CPNE4: variants seen among roughly 807,000 people sequenced by gnomAD.
CPNE4 encodes copine-4.
A neutral mutation model predicts 67.9 loss-of-function variants in CPNE4; 25 were observed. The ratio of observed to expected loss-of-function variants is 0.37; its 90% confidence interval spans 0.27 to 0.51. CPNE4 has a LOEUF of 0.51. Among genes scored for constraint, CPNE4 ranks in the 20% least tolerant of loss-of-function variants. CPNE4 has a pLI of 0.93. For synonymous variants in CPNE4, 242 were observed against 244.9 expected, an observed-to-expected ratio of 0.99 and a Z score of 0.11; for missense variants, 464 against 690.8, an observed-to-expected ratio of 0.67 and a Z score of 3.68.
At chr3:131,641,735 A>G (rs2079546688) in intron 7 of CPNE4, among the ~76,000 whole-genome samples, 2 of 152,184 alleles carry the variant, frequency 1.3e-5, no homozygotes, top group East Asian at 1.9e-4. Context: ...ACAATTCGCA[A>G]TTGCAAAAAT....
chr3:131,786,635 T>C (rs11918334), intron 2 of CPNE4, among the ~76,000 whole-genome samples: 46,713 of 151,994 alleles, frequency 0.31, 7,435 homozygotes, highest in East Asian at 0.43. Context: ...AAGCAGTATT[T>C]AGGCTGATGA....
intron 11 of CPNE4, among the ~76,000 whole-genome samples, chr3:131,556,426 G>C (rs1936459144): frequency 6.6e-6 from 1 of 152,008 alleles, no homozygotes. Flanking sequence ...TAATTTGACA[G>C]AGCTTGGTTC....
chr3:131,715,294 C>A (rs2081655633), intron 3 of CPNE4, among the ~76,000 whole-genome samples: 1 of 152,124 alleles, frequency 6.6e-6, no homozygotes, highest in African/African-American at 2.4e-5. Context: ...CATTTATCTG[C>A]AAAAGGATTC....
chr3:131,675,777 G>A (rs1583003077), intron 6 of CPNE4, among the ~76,000 whole-genome samples: 3 of 151,720 alleles, frequency 2.0e-5, no homozygotes, highest in Admixed American at 2.0e-4. Flanking sequence ...CTTTTTATTG[G>A]AGTGTTTAGT....
At chr3:131,681,612 G>C (rs1183995781) in intron 6 of CPNE4, among the ~76,000 whole-genome samples, 2 of 151,840 alleles carry the variant, frequency 1.3e-5, no homozygotes, top group African/African-American at 4.8e-5. Flanking sequence ...ATCTTATTTG[G>C]GTTATATCTG....
At chr3:131,980,589 TC>T (rs774425957) in intron 1 of CPNE4, among the ~76,000 whole-genome samples, 2 of 152,284 alleles carry the variant, frequency 1.3e-5, no homozygotes, top group South Asian at 4.1e-4. Context: ...TGAATATTTC[TC>T]CCTTCACTTC....
chr3:131,970,953 C>T (rs1010331063), intron 1 of CPNE4, among the ~76,000 whole-genome samples: 3 of 152,162 alleles, frequency 2.0e-5, no homozygotes, highest in African/African-American at 7.2e-5. Context: ...AATTTTATCT[C>T]ATAATTTTTG....
chr3:131,838,877 A>T (rs552717636), intron 2 of CPNE4, among the ~76,000 whole-genome samples: 1 of 151,840 alleles, frequency 6.6e-6, no homozygotes, highest in Non-Finnish European at 1.5e-5. Context: ...AATATATGTG[A>T]TTTACAATGA....
At chr3:131,766,081 T>A (rs2083004824) in intron 2 of CPNE4, among the ~76,000 whole-genome samples, 1 of 152,102 alleles carries the variant, frequency 6.6e-6, no homozygotes, top group Non-Finnish European at 1.5e-5. Context: ...GTCCTGGGAA[T>A]GTTTCTGACT....
intron 2 of CPNE4, among the ~76,000 whole-genome samples, chr3:131,775,537 G>A (rs2083271330): frequency 6.6e-6 from 1 of 152,052 alleles, no homozygotes; most frequent in African/African-American, 2.4e-5. Context: ...TGAATCATGG[G>A]GGCTGGTCTT....
In CPNE4 at chr3:131,764,524, A is replaced by G. The variant is rs181154542; in HGVS notation, c.181-40899T>C. ...ATAACTAAATTGTAACATATATAACATAAAATCTATTGCTAGCTATACTGT... is the reference window on the plus strand; with the variant it reads ...ATAACTAAATTGTAACATATATAACGTAAAATCTATTGCTAGCTATACTGT... On this transcript the variant is annotated intron_variant, in intron 2 of 15. Transcript: ENST00000429747. 2.6e-5 allele frequency among the ~76,000 whole-genome samples: 4 copies of G among 152,302 alleles called. No homozygotes were observed. In the East Asian group the frequency reaches 7.7e-4, roughly 29 times the overall value.
chr3:131,928,857 G>C (rs990856348), intron 1 of CPNE4, among the ~76,000 whole-genome samples: 3 of 152,186 alleles, frequency 2.0e-5, no homozygotes, highest in Admixed American at 2.0e-4. Context: ...AAATGGAAGG[G>C]AATGAGCAGC....
chr3:131,952,168 GC>G (rs1004607231), intron 1 of CPNE4, among the ~76,000 whole-genome samples: 4 of 150,300 alleles, frequency 2.7e-5, no homozygotes, highest in Admixed American at 1.3e-4. Flanking sequence ...GAGCATCTCT[GC>G]CCGGCCGCCC....
intron 1 of CPNE4, among the ~76,000 whole-genome samples, chr3:131,995,481 G>A (rs970948239): frequency 6.6e-6 from 1 of 151,932 alleles, no homozygotes; most frequent in Non-Finnish European, 1.5e-5. Flanking sequence ...CATTGCATCC[G>A]ACCATGAGAG....
At position 131,748,073 on chromosome 3, in the gene CPNE4, C is replaced by T. The variant is rs548211880; in HGVS notation, c.181-24448G>A. ...TTGTCATAGATGGATATTAAATTTT[C>T]TCAAATGCTTTTTTGGCATCAATAT... On this transcript the variant is annotated intron_variant, in intron 2 of 15. Transcript: ENST00000429747. Among the ~76,000 whole-genome samples the T allele has an allele frequency of 7.2e-5, 11 of 152,044 alleles. No individual in the cohort carries two copies. In the South Asian group the frequency reaches 2.3e-3, roughly 32 times the overall value.
intron 2 of CPNE4, among the ~76,000 whole-genome samples, chr3:131,811,329 T>C (rs571310770): frequency 5.9e-5 from 9 of 152,242 alleles, no homozygotes; most frequent in African/African-American, 1.9e-4. Context: ...TTGTATACTT[T>C]AAATATGTGC....
intron 8 of CPNE4, among the ~76,000 whole-genome samples, chr3:131,582,268 G>C (rs1342490232): frequency 6.6e-5 from 10 of 152,218 alleles, no homozygotes; most frequent in Non-Finnish European, 4.4e-5. Context: ...TGACACAGTA[G>C]ATCTCCAAAG....
intron 2 of CPNE4, among the ~76,000 whole-genome samples, chr3:131,878,915 G>T (rs2087559819): frequency 6.6e-6 from 1 of 152,198 alleles, no homozygotes; most frequent in Admixed American, 6.5e-5. Flanking sequence ...AATGACAAAG[G>T]TCTCACCCTC....
chr3:131,765,158 G>T (rs2082980021), intron 2 of CPNE4, among the ~76,000 whole-genome samples: 1 of 152,050 alleles, frequency 6.6e-6, no homozygotes, highest in Non-Finnish European at 1.5e-5. Context: ...GAAGCAAAGG[G>T]ATCAAGGCTT....
Sources: allele counts gnomAD v4.1 joint callset (sites outside exome capture counted in the v4.1 genomes callset), GRCh38; gene constraint gnomAD v4.1.1; transcripts MANE v1.5; gene names NCBI Gene and HGNC (gene_info 2026-07-23, HGNC 2026-07-21).